Variants in IPCEF1 observed in about 807,000 individuals in gnomAD.
IPCEF1 encodes the protein interactor protein for cytohesin exchange factors 1.
In IPCEF1, 31 loss-of-function variants were observed where a neutral mutation model predicts 50.9. The ratio of observed to expected loss-of-function variants is 0.61; its 90% CI spans 0.46 to 0.82. The LOEUF (loss-of-function observed/expected upper bound fraction) is 0.82. IPCEF1 is among the 40% of genes least tolerant of loss of function. The pLI is 0.00. For missense variants in IPCEF1, 458 were observed against 514.0 expected (o/e 0.89, Z 1.05); for synonymous variants, 181 against 192.0 (o/e 0.94, Z 0.47).
intron 1 of IPCEF1, among the ~76,000 whole-genome samples, chr6:154,321,164 C>G (rs1783364814): frequency 6.6e-6 from 1 of 152,034 alleles, no homozygotes; most frequent in African/African-American, 2.4e-5. Flanking sequence ...CTTCTGGGCT[C>G]AAGCAATCCT....
chr6:154,327,977 A>C (rs1721582488), intron 1 of IPCEF1, among the ~76,000 whole-genome samples: 1 of 152,220 alleles, frequency 6.6e-6, no homozygotes, highest in Non-Finnish European at 1.5e-5. Flanking sequence ...GAAAGAGACA[A>C]CCAAATACAA....
intron 3 of IPCEF1, among the ~76,000 whole-genome samples, chr6:154,257,377 T>C (rs1004309587): frequency 8.5e-5 from 13 of 152,230 alleles, no homozygotes; most frequent in African/African-American, 3.1e-4. Flanking sequence ...AACTACTTCC[T>C]GCTTCCAGAC....
intron 1 of IPCEF1, among the ~76,000 whole-genome samples, chr6:154,344,604 G>T (rs551470941): frequency 6.6e-6 from 1 of 152,064 alleles, no homozygotes; most frequent in Admixed American, 6.6e-5. Context: ...GATTCTTCCC[G>T]GTATAGGAGT....
chr6:154,224,558 A>G (rs138900007), intron 5 of IPCEF1, among the ~76,000 whole-genome samples: 2 of 152,142 alleles, frequency 1.3e-5, no homozygotes, highest in East Asian at 3.9e-4. Context: ...AAATTCAAAA[A>G]ATATTAGCTG....
At chr6:154,310,672 C>T (rs911903478) in intron 1 of IPCEF1, among the ~76,000 whole-genome samples, 1 of 151,776 alleles carries the variant, frequency 6.6e-6, no homozygotes, top group Non-Finnish European at 1.5e-5. Flanking sequence ...CTATACAGAC[C>T]TAAAAAAGAA....
At chr6:154,217,571 A>T (rs186850747) in intron 7 of IPCEF1, 13 of 152,288 alleles carry the variant, frequency 8.5e-5, no homozygotes, top group Non-Finnish European at 1.8e-4. Flanking sequence ...AGGGTAGTTG[A>T]ATTAGAAAGT....
At chr6:154,331,395 G>GAA (rs1247623687) in intron 1 of IPCEF1, among the ~76,000 whole-genome samples, 1 of 133,554 alleles carries the variant, frequency 7.5e-6, no homozygotes, top group East Asian at 2.8e-4. Context: ...AAGAAAGAAA[G>GAA]AAAGAAAGAA....
intron 9 of IPCEF1, among the ~76,000 whole-genome samples, chr6:154,200,486 C>T (rs866500638): frequency 3.6e-4 from 55 of 152,224 alleles, no homozygotes; most frequent in Middle Eastern, 3.4e-3. Flanking sequence ...TTTGGAAGAC[C>T]GAGACAGGCA....
At chr6:154,294,603 G>A (rs1403289424) in intron 1 of IPCEF1, among the ~76,000 whole-genome samples, 1 of 152,078 alleles carries the variant, frequency 6.6e-6, no homozygotes, top group Non-Finnish European at 1.5e-5. Flanking sequence ...GAGGATTCTG[G>A]CTTCCCCTGT....
At chr6:154,245,607 TG>T (rs1298355338) in intron 5 of IPCEF1, among the ~76,000 whole-genome samples, 3 of 152,228 alleles carry the variant, frequency 2.0e-5, no homozygotes, top group East Asian at 3.8e-4. Context: ...ATGACATGCA[TG>T]CCCACGTCAT....
intron 9 of IPCEF1, among the ~76,000 whole-genome samples, chr6:154,204,413 G>A (rs1431742887): frequency 6.6e-6 from 1 of 152,064 alleles, no homozygotes; most frequent in Non-Finnish European, 1.5e-5. Context: ...AGGAAGAAAA[G>A]TACACAGCTT....
At chr6:154,246,565 G>C (rs1284901365) in intron 5 of IPCEF1, 26 bp downstream of exon 5, 2 of 1,594,148 alleles carry the variant, frequency 1.3e-6, no homozygotes, top group Non-Finnish European at 1.7e-6. Flanking sequence ...AAACGGCTGG[G>C]AATAGGAGGA....
At chr6:154,246,022 A>C (rs1781008593) in intron 5 of IPCEF1, among the ~76,000 whole-genome samples, 1 of 152,198 alleles carries the variant, frequency 6.6e-6, no homozygotes, top group South Asian at 2.1e-4. Context: ...GCCATCACAG[A>C]GCACACCAGG....
chr6:154,159,044 A>T lies in IPCEF1; in HGVS notation c.*784T>A, dbSNP rs955464436. 45 of 152,274 alleles carry T rather than the reference A, an allele frequency of 3.0e-4. No individual in the cohort carries two copies. Among genetic ancestry groups the T allele is most frequent in the African/African-American group, 1.1e-3 (45 of 41,468 alleles). The allele number at this position is 152,274 out of a possible 1,614,324, so 9.4% of individuals were successfully genotyped here. Reference sequence around the variant, plus strand: ...ACAGCCAAGGACAAGAGCAGTAGACATTCTTTGCGGAACATATTCCTATCT... The same window carrying T: ...ACAGCCAAGGACAAGAGCAGTAGACTTTCTTTGCGGAACATATTCCTATCT... On this transcript the variant is annotated 3_prime_UTR_variant, in exon 12 of 12. Transcript: ENST00000367220.
intron 10 of IPCEF1, among the ~76,000 whole-genome samples, chr6:154,197,471 T>C (rs963431859): frequency 2.6e-5 from 4 of 152,118 alleles, no homozygotes; most frequent in Non-Finnish European, 4.4e-5. Context: ...AACAAATCAA[T>C]GAGAGAAAAA....
rs751311290 is a variant in IPCEF1 at position 154,199,895 on chromosome 6, C to T, written c.683G>A (p.Ser228Asn). ...TCCCTCATCTTCAGCAGCAGACAAA[C>T]TGTTAACTGTGTCAGGCAAGGATTG... Reference protein sequence around the residue: ...ERQSLPDTVNSLSAAEDEGQP... With the variant: ...ERQSLPDTVNNLSAAEDEGQP... The change falls in exon 10 of 12, where the codon AGT (serine) becomes AAT (asparagine). Residue 228 changes from serine (S) to asparagine (N), a missense_variant. Ser to Asn is a conservative substitution (Grantham distance 46). Transcript: ENST00000367220. 2 of 1,614,186 alleles carry T rather than the reference C, an allele frequency of 1.2e-6. No homozygotes were observed. The highest frequency in any genetic ancestry group is 1.1e-5 in the South Asian group (1 of 91,082).
At chr6:154,282,914 G>A (rs1451881237) in intron 2 of IPCEF1, among the ~76,000 whole-genome samples, 1 of 152,138 alleles carries the variant, frequency 6.6e-6, no homozygotes, top group Non-Finnish European at 1.5e-5. Flanking sequence ...TGAAAATGAA[G>A]CCAAAACAGC....
At chr6:154,189,949 A>G (rs1205860357) in intron 10 of IPCEF1, among the ~76,000 whole-genome samples, 1 of 152,130 alleles carries the variant, frequency 6.6e-6, no homozygotes, top group African/African-American at 2.4e-5. Flanking sequence ...GTCTCAAAAA[A>G]AAAAGAAACA....
At chr6:154,243,499 A>G (rs1013411707) in intron 5 of IPCEF1, among the ~76,000 whole-genome samples, 1 of 152,232 alleles carries the variant, frequency 6.6e-6, no homozygotes, top group African/African-American at 2.4e-5. Flanking sequence ...CTGGGTAGCA[A>G]TAGCATAAAA....
Sources: allele counts gnomAD v4.1 joint callset (sites outside exome capture counted in the v4.1 genomes callset), GRCh38; gene constraint gnomAD v4.1.1; transcripts MANE v1.5; gene names NCBI Gene and HGNC (gene_info 2026-07-23, HGNC 2026-07-21).